The following PALLD variants were observed in gnomAD, a reference collection of about 807,000 sequenced individuals.
PALLD encodes the protein palladin, cytoskeletal associated protein, also known as palladin.
PALLD carries 61 observed loss-of-function variants against 123.5 expected under a neutral mutation model. The ratio of observed to expected loss-of-function variants is 0.49; its 90% CI spans 0.40 to 0.61. The LOEUF (loss-of-function observed/expected upper bound fraction) is 0.61. Among genes scored for constraint, PALLD ranks in the 20% least tolerant of loss-of-function variants. The probability of loss-of-function intolerance (pLI) is 0.00; values close to 1 mark genes in which losing one functional copy is unlikely to be tolerated. For synonymous variants in PALLD, 465 were observed against 496.4 expected (o/e 0.94, Z 0.84); for missense variants, 1,273 against 1,377.0 (o/e 0.92, Z 1.20).
chr4:168,835,915 T>C (rs1036913271), intron 10 of PALLD, among the ~76,000 whole-genome samples: 5 of 152,048 alleles, frequency 3.3e-5, no homozygotes, highest in Admixed American at 2.6e-4. Context: ...AGAAAAGACA[T>C]GGAGATAAAA....
intron 2 of PALLD, among the ~76,000 whole-genome samples, chr4:168,554,283 G>C (rs1767046025): frequency 6.6e-6 from 1 of 152,006 alleles, no homozygotes; most frequent in Non-Finnish European, 1.5e-5. Flanking sequence ...ATATTTCCTG[G>C]AACTCCTTAT....
rs1762607305 is a variant in PALLD, at chr4:168,926,559, A to C, written c.*379A>C. The C allele has an allele frequency of 1.8e-6, 1 of 556,518 alleles. No individual in the cohort carries two copies. Among genetic ancestry groups the C allele is most frequent in the Middle Eastern group, 4.7e-4 (1 of 2,144 alleles). 34.5% of individuals were successfully genotyped at this position (556,518 alleles called of 1,614,324 possible). ...ATACCAAACTTAGTTTAAGTAGATA[A>C]TGCTAATACAAATATACACATTGCA... On this transcript the variant is annotated 3_prime_UTR_variant, in exon 22 of 22. Coordinates refer to ENST00000505667, the MANE Select transcript of PALLD (RefSeq NM_001166108.2).
Position 168,703,730 on chromosome 4 carries a change from T to C in PALLD, c.1502-5298T>C, listed in dbSNP as rs1259781725. Among the ~76,000 whole-genome samples, 270 of 143,896 alleles carry C rather than the reference T, an allele frequency of 1.9e-3. 2 individuals carry two copies. Among genetic ancestry groups the C allele is most frequent in the African/African-American group, 7.0e-3 (255 of 36,404 alleles). 94.4% of individuals were successfully genotyped at this position (143,896 alleles called of 152,430 possible). Reference sequence around the variant, plus strand: ...TTCTTTTGAGAAGTGTCTGTTCATATCCTTTGCCCACTTTTTGATGGGGTT... The same window carrying C: ...TTCTTTTGAGAAGTGTCTGTTCATACCCTTTGCCCACTTTTTGATGGGGTT... On this transcript the variant is annotated intron_variant, in intron 8 of 21. Transcript: ENST00000505667.
In PALLD at chr4:168,870,655, A is replaced by G. The variant is rs551093565; in HGVS notation, c.1965-20267A>G. Among the ~76,000 whole-genome samples the G allele has an allele frequency of 1.0e-3, 158 of 152,300 alleles. 1 individual carries two copies. Among genetic ancestry groups the G allele is most frequent in the African/African-American group, 3.8e-3 (156 of 41,560 alleles). ...AAATCAGGTTCTTTATAATATTTAA[A>G]TCTTACAGGGCTAAAGAGGACAGGT... On this transcript the variant is annotated intron_variant, in intron 10 of 21. Transcript: ENST00000505667.
intron 10 of PALLD, among the ~76,000 whole-genome samples, chr4:168,726,452 C>T (rs1417061941): frequency 6.6e-6 from 1 of 152,158 alleles, no homozygotes; most frequent in African/African-American, 2.4e-5. Context: ...CATTCATGCT[C>T]TCTTCTTTAA....
At chr4:168,799,298 G>C (rs559425354) in intron 10 of PALLD, among the ~76,000 whole-genome samples, 7 of 152,150 alleles carry the variant, frequency 4.6e-5, no homozygotes, top group African/African-American at 1.4e-4. Context: ...AAATACAGAA[G>C]TATAGAGTCC....
In PALLD at chr4:168,894,592, A is replaced by G; in HGVS notation, c.2114A>G (p.Glu705Gly). Reference protein sequence around the residue: ...LNNGQPRLTYEERMARRLLGA... With the variant: ...LNNGQPRLTYGERMARRLLGA... ...TACGTTGTTTAGAGGTTAACATACGAAGAAAGAATGGCTCGTCGACTGCTA... is the reference window on the plus strand; with the variant it reads ...TACGTTGTTTAGAGGTTAACATACGGAGAAAGAATGGCTCGTCGACTGCTA... Residue 705 changes from glutamate to glycine, a missense_variant, in exon 12 of 22, where the codon GAA (glutamate) becomes GGA (glycine). Coordinates refer to ENST00000505667, the MANE Select transcript of PALLD (RefSeq NM_001166108.2). 1 of 1,612,924 alleles carries G rather than the reference A, an allele frequency of 6.2e-7. No individual in the cohort carries two copies. Among genetic ancestry groups the G allele is most frequent in the Non-Finnish European group, 8.5e-7 (1 of 1,179,046 alleles).
At chr4:168,918,199 A>G (rs528194696) in intron 17 of PALLD, among the ~76,000 whole-genome samples, 94 of 152,062 alleles carry the variant, frequency 6.2e-4, no homozygotes, top group African/African-American at 2.2e-3. Flanking sequence ...ACAAAAAAAA[A>G]AAAAGAAAAG....
At chr4:168,749,768 G>A (rs1730792691) in intron 10 of PALLD, among the ~76,000 whole-genome samples, 1 of 152,104 alleles carries the variant, frequency 6.6e-6, no homozygotes, top group South Asian at 2.1e-4. Flanking sequence ...GTGCAGATTT[G>A]TTACATGGGG....
chr4:168,690,798 C>G (rs1782547227), intron 7 of PALLD, 54 bp downstream of exon 7: 1 of 1,550,562 alleles, frequency 6.4e-7, no homozygotes, highest in Non-Finnish European at 8.9e-7. Context: ...TCTCCAGCTT[C>G]AAGAAAACCA....
At chr4:168,765,724 A>G (rs115579336) in intron 10 of PALLD, among the ~76,000 whole-genome samples, 305 of 152,346 alleles carry the variant, frequency 2.0e-3, no homozygotes, top group African/African-American at 7.0e-3. Flanking sequence ...GCTCAGTGGT[A>G]ATGAGGGAAA....
intron 10 of PALLD, among the ~76,000 whole-genome samples, chr4:168,794,494 G>GCACACACACATGCACACACACACACACA (rs1213666061): frequency 1.5e-5 from 2 of 135,762 alleles, no homozygotes; most frequent in African/African-American, 5.9e-5. Context: ...ACACATGCAC[G>GCACACACACATGCACACACACACACACA]CACACACACA....
At chr4:168,554,058 C>T (rs962627912) in intron 2 of PALLD, among the ~76,000 whole-genome samples, 1 of 152,210 alleles carries the variant, frequency 6.6e-6, no homozygotes, top group Non-Finnish European at 1.5e-5. Flanking sequence ...GAGGCCAGCG[C>T]AGTGCCTGGC....
intron 10 of PALLD, among the ~76,000 whole-genome samples, chr4:168,794,446 C>T (rs2150629903): frequency 9.6e-6 from 1 of 103,642 alleles, no homozygotes. Context: ...CACACATAGA[C>T]ATACGCGCAG....
intron 2 of PALLD, among the ~76,000 whole-genome samples, chr4:168,624,320 G>A (rs989810099): frequency 3.3e-5 from 5 of 151,946 alleles, no homozygotes; most frequent in African/African-American, 9.7e-5. Flanking sequence ...ATAGCTCTAT[G>A]GAGAAAAAAA....
At chr4:168,907,921 A>T (rs1249062805) in intron 15 of PALLD, among the ~76,000 whole-genome samples, 1 of 152,156 alleles carries the variant, frequency 6.6e-6, no homozygotes, top group East Asian at 1.9e-4. Flanking sequence ...TATTCCAACC[A>T]ACTCCAAAGA....
chr4:168,900,711 A>G (rs1270611328), intron 14 of PALLD, among the ~76,000 whole-genome samples: 1 of 152,216 alleles, frequency 6.6e-6, no homozygotes, highest in Non-Finnish European at 1.5e-5. Context: ...TTCCTAATAA[A>G]ATGGGATTTT....
intron 10 of PALLD, among the ~76,000 whole-genome samples, chr4:168,845,736 G>A (rs767528713): frequency 4.6e-5 from 7 of 152,152 alleles, no homozygotes; most frequent in Non-Finnish European, 1.0e-4. Flanking sequence ...AAAACCTCTT[G>A]TAAAAAGGAA....
intron 10 of PALLD, among the ~76,000 whole-genome samples, chr4:168,809,958 G>T (rs1265313961): frequency 2.0e-5 from 3 of 152,058 alleles, no homozygotes; most frequent in Non-Finnish European, 4.4e-5. Context: ...ATAGAAGGAG[G>T]GTGGAGAGAA....
Sources: allele counts gnomAD v4.1 joint callset (sites outside exome capture counted in the v4.1 genomes callset), GRCh38; gene constraint gnomAD v4.1.1; transcripts MANE v1.5; gene names NCBI Gene and HGNC (gene_info 2026-07-23, HGNC 2026-07-21).